The following KLF8 variants were observed in gnomAD, a reference collection of about 807,000 sequenced individuals.
The protein encoded by KLF8 is Krueppel-like factor 8.
In KLF8, 10 loss-of-function variants were observed where a neutral mutation model predicts 18.2. The ratio of observed to expected loss-of-function variants is 0.55; its 90% confidence interval spans 0.34 to 0.93. The LOEUF (loss-of-function observed/expected upper bound fraction) is 0.93. KLF8 is among the 40% of genes least tolerant of loss of function. The pLI is 0.02. For missense variants in KLF8, 264 were observed against 277.9 expected, an observed-to-expected ratio of 0.95 and a Z score of 0.36; for synonymous variants, 109 against 97.3, an observed-to-expected ratio of 1.12 and a Z score of -0.71.
At chrX:56,142,710 T>G in the KLF8 span, among the ~76,000 whole-genome samples, 126 of 111,954 alleles carry the variant, frequency 1.1e-3, no homozygotes, top group African/African-American at 4.0e-3. Flanking sequence ...CCAAACCTAC[T>G]TAACCTTCAT....
the KLF8 span, among the ~76,000 whole-genome samples, chrX:55,989,218 G>A: frequency 9.0e-6 from 1 of 111,581 alleles, no homozygotes; most frequent in Non-Finnish European, 1.9e-5. Context: ...TGATTGCCCT[G>A]GCCAGAACTT....
the KLF8 span, among the ~76,000 whole-genome samples, chrX:56,208,312 G>A: frequency 8.9e-6 from 1 of 111,856 alleles, no homozygotes; most frequent in Admixed American, 9.5e-5. Flanking sequence ...AATTTCTGCA[G>A]TATCAGTTCT....
intron 5 of KLF8, among the ~76,000 whole-genome samples, chrX:56,283,517 G>A (rs1007619313): frequency 1.8e-5 from 2 of 108,137 alleles, no homozygotes; most frequent in Non-Finnish European, 3.9e-5. Context: ...AACTACAGGC[G>A]CCCTCCACGA....
the KLF8 span, among the ~76,000 whole-genome samples, chrX:56,185,379 A>G: frequency 1.8e-5 from 2 of 112,366 alleles, no homozygotes; most frequent in African/African-American, 6.5e-5. Flanking sequence ...CAATGTGAAA[A>G]GACCAAATCT....
rs1436609950 is a variant in KLF8 at position 56,284,620 on chromosome X, TGAG to T, written c.*130_*132del. The stretch of plus-strand genomic sequence containing the variant: ...GTTGAAGCAGCCCACTGAGCCAAGT[TGAG>T]GAGACTGGAGGAAAAGAGAGCTGGT... On this transcript the variant is annotated 3_prime_UTR_variant, in exon 6 of 6. Transcript: ENST00000468660. The T allele has an allele frequency of 2.0e-5, 10 of 488,142 alleles. No homozygotes were observed. Among genetic ancestry groups the T allele is most frequent in the Non-Finnish European group, 2.5e-5 (8 of 319,954 alleles). 40.2% of individuals were successfully genotyped at this position (488,142 alleles called of 1,213,427 possible). A position where few individuals can be genotyped will look rare whatever the true frequency, so the allele number is the denominator to read the frequency against.
the KLF8 span, among the ~76,000 whole-genome samples, chrX:56,015,945 T>C: frequency 1.8e-5 from 2 of 112,390 alleles, 1 homozygote; most frequent in South Asian, 7.3e-4. Context: ...TTAAATAGCA[T>C]TTTCTTTCCC....
the KLF8 span, among the ~76,000 whole-genome samples, chrX:56,216,931 A>G: frequency 9.0e-6 from 1 of 110,512 alleles, no homozygotes; most frequent in Non-Finnish European, 1.9e-5. Flanking sequence ...CTTTTATTCA[A>G]CCTCAGGTAA....
At chrX:56,154,361 C>T in the KLF8 span, among the ~76,000 whole-genome samples, 1 of 111,759 alleles carries the variant, frequency 8.9e-6, no homozygotes, top group Admixed American at 9.5e-5. Context: ...GGAAATGATT[C>T]CCTATTTAAC....
At chrX:56,176,935 C>G in the KLF8 span, among the ~76,000 whole-genome samples, 1 of 111,905 alleles carries the variant, frequency 8.9e-6, no homozygotes, top group East Asian at 2.8e-4. Context: ...ACTTCTCGTG[C>G]CTTGGTTTTC....
At chrX:55,944,826 T>C in the KLF8 span, among the ~76,000 whole-genome samples, 1 of 111,549 alleles carries the variant, frequency 9.0e-6, no homozygotes, top group Non-Finnish European at 1.9e-5. Flanking sequence ...GTGTCTCTAT[T>C]TCCTTCAGTT....
chrX:56,081,267 C>T, the KLF8 span, among the ~76,000 whole-genome samples: 1 of 111,335 alleles, frequency 9.0e-6, no homozygotes, highest in African/African-American at 3.3e-5. Context: ...TTTTCCCCAT[C>T]TTTGTGGTTT....
the KLF8 span, among the ~76,000 whole-genome samples, chrX:56,115,361 A>G: frequency 8.9e-6 from 1 of 111,949 alleles, no homozygotes; most frequent in African/African-American, 3.2e-5. Flanking sequence ...CTGAGACTCA[A>G]GTCCTGATTT....
At chrX:56,182,146 G>T in the KLF8 span, among the ~76,000 whole-genome samples, 1 of 111,423 alleles carries the variant, frequency 9.0e-6, no homozygotes, top group Non-Finnish European at 1.9e-5. Flanking sequence ...ATTTGTTGGA[G>T]GCTTTGTTCA....
chrX:56,148,865 T>C, the KLF8 span, among the ~76,000 whole-genome samples: 8 of 111,903 alleles, frequency 7.1e-5, no homozygotes, highest in Non-Finnish European at 1.5e-4. Flanking sequence ...ATTATTACAA[T>C]TCAGGATGAG....
At chrX:56,202,559 T>TTCCCCCCCCCCCCC in the KLF8 span, among the ~76,000 whole-genome samples, 1 of 75,805 alleles carries the variant, frequency 1.3e-5, no homozygotes, top group Non-Finnish European at 2.6e-5. Context: ...CCATTAACCT[T>TTCCCCCCCCCCCCC]CCCCCCCCCT....
At chrX:56,130,479 C>T in the KLF8 span, among the ~76,000 whole-genome samples, 12 of 111,501 alleles carry the variant, frequency 1.1e-4, no homozygotes, top group Non-Finnish European at 2.1e-4. Context: ...GGGAGCACCC[C>T]GTGGTACAAA....
chrX:55,996,014 G>A, the KLF8 span, among the ~76,000 whole-genome samples: 2 of 111,000 alleles, frequency 1.8e-5, no homozygotes, highest in East Asian at 5.6e-4. Flanking sequence ...CATAAGTTTG[G>A]TCTCTTTACA....
At chrX:56,097,021 T>C in the KLF8 span, among the ~76,000 whole-genome samples, 1 of 111,140 alleles carries the variant, frequency 9.0e-6, no homozygotes, top group Non-Finnish European at 1.9e-5. Flanking sequence ...TACAAATAAA[T>C]ATCTTTTGTG....
At chrX:55,957,183 C>T in the KLF8 span, among the ~76,000 whole-genome samples, 2 of 111,328 alleles carry the variant, frequency 1.8e-5, no homozygotes, top group Non-Finnish European at 3.8e-5. Context: ...GCACCCCTGG[C>T]AAATATCGTT....
Sources: gnomAD v4.1 joint callset for allele counts (sites outside exome capture counted in the v4.1 genomes callset) on GRCh38, gnomAD v4.1.1 for gene constraint, MANE v1.5 for transcripts, NCBI Gene and HGNC (gene_info 2026-07-23, HGNC 2026-07-21) for gene names.